Variants in GPC3 observed in about 807,000 individuals in gnomAD.
GPC3 encodes the protein glypican-3.
A neutral mutation model predicts 34.4 loss-of-function variants in GPC3; 3 were observed. The observed-to-expected ratio is 0.09, with a 90% CI of 0.04 to 0.23. The LOEUF is 0.23. GPC3 is among the 10% of genes least tolerant of loss of function. GPC3 has a pLI of 1.00. For missense variants in GPC3, 351 were observed against 445.6 expected (o/e 0.79, Z 1.91); for synonymous variants, 177 against 174.0 (o/e 1.02, Z -0.13).
In GPC3 at chrX:133,535,878, C is replaced by G. The variant is rs1283142128; in HGVS notation, c.*246G>C. 1 of 373,957 alleles carries G rather than the reference C, an allele frequency of 2.7e-6. No homozygotes were observed. Among genetic ancestry groups the G allele is most frequent in the Non-Finnish European group, 4.6e-6 (1 of 217,994 alleles). The allele number at this position is 373,957 out of a possible 1,213,427, so 30.8% of individuals were successfully genotyped here. A position where few individuals can be genotyped will look rare whatever the true frequency, so the allele number is the denominator to read the frequency against. ...AACATAGGAGAATAATTTGGCACAA[C>G]TTGATGGTTTTTTTTCTTTCTTTGC... On this transcript the variant is annotated 3_prime_UTR_variant, in exon 8 of 8. Coordinates refer to ENST00000370818, the MANE Select transcript of GPC3 (RefSeq NM_004484.4).
intron 2 of GPC3, among the ~76,000 whole-genome samples, chrX:133,850,577 G>T (rs1325358266): frequency 9.0e-6 from 1 of 111,085 alleles, no homozygotes; most frequent in African/African-American, 3.3e-5. Context: ...TGAGGCAGTG[G>T]GCTCAGAATC....
At chrX:133,731,277 T>C (rs2071460494) in intron 3 of GPC3, among the ~76,000 whole-genome samples, 1 of 112,902 alleles carries the variant, frequency 8.9e-6, no homozygotes, top group African/African-American at 3.2e-5. Flanking sequence ...AAAAAAAATT[T>C]CCAGGTCATA....
Position 133,754,147 on chromosome X carries a change from T to C in GPC3, c.367A>G (p.Lys123Glu), listed in dbSNP as rs755733724. 6 of 1,193,784 alleles carry C rather than the reference T, an allele frequency of 5.0e-6. No individual in the cohort carries two copies. In the East Asian group the frequency reaches 1.5e-4, roughly 30 times the overall value. Residue 123 changes from lysine to glutamate, a missense_variant, in exon 3 of 8, where the codon AAG (lysine) becomes GAG (glutamate). Transcript: ENST00000370818. ...EAFEIVVRHAKNYTNAMFKNN... is the reference protein window; with the variant it reads ...EAFEIVVRHAENYTNAMFKNN... ...TTGAACATGGCATTGGTGTAGTTCTTGGCATGGCGAACAACAATTTCAAAG... is the reference window on the plus strand; with the variant it reads ...TTGAACATGGCATTGGTGTAGTTCTCGGCATGGCGAACAACAATTTCAAAG...
intron 1 of GPC3, among the ~76,000 whole-genome samples, chrX:133,983,874 C>T (rs2076552455): frequency 8.9e-6 from 1 of 112,041 alleles, no homozygotes; most frequent in Non-Finnish European, 1.9e-5. Context: ...TCCCTTAGAG[C>T]GAAATCCTGC....
chrX:133,899,341 A>G (rs1221034718), intron 2 of GPC3, among the ~76,000 whole-genome samples: 1 of 111,387 alleles, frequency 9.0e-6, no homozygotes, highest in Non-Finnish European at 1.9e-5. Context: ...TGCTTCTCTG[A>G]GGCCACATCT....
At chrX:133,849,163 C>T (rs899750392) in intron 2 of GPC3, among the ~76,000 whole-genome samples, 5 of 95,858 alleles carry the variant, frequency 5.2e-5, no homozygotes, top group Non-Finnish European at 8.1e-5. Context: ...GGCGCTACCT[C>T]GGCTTACTGC....
intron 5 of GPC3, among the ~76,000 whole-genome samples, chrX:133,665,428 C>A (rs1366624130): frequency 9.0e-6 from 1 of 111,656 alleles, no homozygotes; most frequent in African/African-American, 3.3e-5. Context: ...ATGTCCCCGT[C>A]CATGATACAA....
chrX:133,858,724 TG>T, intron 2 of GPC3, among the ~76,000 whole-genome samples: 1 of 110,219 alleles, frequency 9.1e-6, no homozygotes, highest in East Asian at 2.8e-4. Context: ...GGTTGGGGGG[TG>T]GGGAATCATA....
At chrX:133,605,179 G>T (rs771699075) in intron 6 of GPC3, among the ~76,000 whole-genome samples, 1 of 108,694 alleles carries the variant, frequency 9.2e-6, no homozygotes, top group Non-Finnish European at 1.9e-5. Flanking sequence ...ACGTGGGGGG[G>T]GGGCAATAAA....
At chrX:133,584,274 T>G in intron 7 of GPC3, among the ~76,000 whole-genome samples, 1 of 111,809 alleles carries the variant, frequency 8.9e-6, no homozygotes. Flanking sequence ...CTGAGCAGCA[T>G]GGAGGGAAGG....
chrX:133,777,219 C>T (rs1371429082), intron 2 of GPC3, among the ~76,000 whole-genome samples: 4 of 110,901 alleles, frequency 3.6e-5, no homozygotes, highest in African/African-American at 1.3e-4. Context: ...CTGGTTTCAA[C>T]CCCTCTTTCT....
chrX:133,852,811 G>A (rs2075880673), intron 2 of GPC3, among the ~76,000 whole-genome samples: 1 of 110,185 alleles, frequency 9.1e-6, no homozygotes, highest in South Asian at 4.0e-4. Context: ...TCTTTCATTA[G>A]TACCATTACC....
chrX:133,904,312 C>A lies in GPC3; in HGVS notation c.337+48738G>T, dbSNP rs1173895994. Among the ~76,000 whole-genome samples the A allele has an allele frequency of 3.0e-4, 33 of 111,528 alleles. No homozygotes were observed. The Admixed American group carries it at 3.2e-3, about 11-fold the overall frequency. On this transcript the variant is annotated intron_variant, in intron 2 of 7. Coordinates refer to ENST00000370818, the MANE Select transcript of GPC3 (RefSeq NM_004484.4). ...ACAAAGTGGGTCACTGGACCATATACCTCATGTTAATAAAGGAATAATTCT... is the reference window on the plus strand; with the variant it reads ...ACAAAGTGGGTCACTGGACCATATAACTCATGTTAATAAAGGAATAATTCT...
At chrX:133,971,207 A>G (rs966535235) in intron 1 of GPC3, among the ~76,000 whole-genome samples, 2 of 112,568 alleles carry the variant, frequency 1.8e-5, no homozygotes, top group African/African-American at 3.2e-5. Context: ...ACAGAATGTA[A>G]ACTACATAGC....
At chrX:133,724,733 A>G (rs1188319865) in intron 3 of GPC3, among the ~76,000 whole-genome samples, 14 of 111,839 alleles carry the variant, frequency 1.3e-4, no homozygotes, top group Non-Finnish European at 2.3e-4. Flanking sequence ...TATTGATCTA[A>G]GAGCAGGACT....
At chrX:133,953,023 A>G in intron 2 of GPC3, 27 bp downstream of exon 2, 1 of 1,175,322 alleles carries the variant, frequency 8.5e-7, no homozygotes, top group Non-Finnish European at 1.2e-6. Context: ...ACTAAGCAGC[A>G]CATCTAAAAT....
At position 133,816,313 on chromosome X, in the gene GPC3, C is replaced by T. The variant is rs145984170; in HGVS notation, c.338-62137G>A. Among the ~76,000 whole-genome samples the T allele has an allele frequency of 9.4e-3, 1,046 of 111,850 alleles. 11 individuals carry two copies. The highest frequency in any genetic ancestry group is 0.032 in the African/African-American group (991 of 30,836). ...CAAGGGATCCTCCTGCCTTGGTCTC[C>T]CAAAGTGCTAGGGTGACAGGTGTGA... is the stretch of plus-strand genomic sequence containing the variant. On this transcript the variant is annotated intron_variant, in intron 2 of 7. Transcript: ENST00000370818.
At chrX:133,682,004 A>G (rs1290733849) in intron 5 of GPC3, among the ~76,000 whole-genome samples, 5 of 112,155 alleles carry the variant, frequency 4.5e-5, no homozygotes, top group African/African-American at 1.6e-4. Flanking sequence ...GGGTGAATAT[A>G]AAGTCATGAC....
chrX:133,789,120 T>A (rs1209114430), intron 2 of GPC3, among the ~76,000 whole-genome samples: 3 of 111,220 alleles, frequency 2.7e-5, no homozygotes, highest in Admixed American at 9.6e-5. Context: ...TCATGCTAAG[T>A]AAGTTCTCAA....
Sources: gnomAD v4.1 joint callset for allele counts (sites outside exome capture counted in the v4.1 genomes callset) on GRCh38, gnomAD v4.1.1 for gene constraint, MANE v1.5 for transcripts, NCBI Gene and HGNC (gene_info 2026-07-23, HGNC 2026-07-21) for gene names.